ZC3H12C: variants seen among roughly 807,000 people sequenced by gnomAD.
The protein encoded by ZC3H12C is zinc finger CCCH-type containing 12C.
A neutral mutation model predicts 76.3 loss-of-function variants in ZC3H12C; 20 were observed. The ratio of observed to expected loss-of-function variants is 0.26; its 90% CI spans 0.18 to 0.38. The LOEUF (loss-of-function observed/expected upper bound fraction) is 0.38, where lower values mean the gene tolerates loss of function less well. Among genes scored for constraint, ZC3H12C ranks in the 10% least tolerant of loss-of-function variants. ZC3H12C has a pLI of 1.00. For missense variants in ZC3H12C, 874 were observed against 1,086.5 expected (o/e 0.80, Z 2.75); for synonymous variants, 352 against 399.6 (o/e 0.88, Z 1.42).
intron 1 of ZC3H12C, among the ~76,000 whole-genome samples, chr11:110,112,940 G>A (rs962751383): frequency 6.6e-5 from 10 of 151,470 alleles, no homozygotes; most frequent in Non-Finnish European, 1.3e-4. Flanking sequence ...GCATATACCC[G>A]TCATCTCTCC....
At chr11:110,135,693 A>G (rs1201757511) in intron 1 of ZC3H12C, among the ~76,000 whole-genome samples, 1 of 152,130 alleles carries the variant, frequency 6.6e-6, no homozygotes, top group African/African-American at 2.4e-5. Context: ...AAAAATAGGA[A>G]AAAAGATCAC....
chr11:110,154,836 A>AAAAAAC (rs2134193069), intron 3 of ZC3H12C, among the ~76,000 whole-genome samples: 1 of 147,846 alleles, frequency 6.8e-6, no homozygotes, highest in South Asian at 2.1e-4. Context: ...AGCTTGATTA[A>AAAAAAC]AAAAAAAAAA....
At position 110,093,433 on chromosome 11, in the gene ZC3H12C, G is replaced by C; in HGVS notation, c.21+1G>C. On this transcript the variant is annotated splice_donor_variant, in intron 1 of 5. Coordinates refer to ENST00000278590, the MANE Select transcript of ZC3H12C (RefSeq NM_033390.2). LOFTEE classifies it high-confidence loss of function. ...GGCTATGCCGGGTGGCGGCTCCCAGGTTTGTCCTCGGGAAGGGGGTGGGGG... is the reference window on the plus strand; with the variant it reads ...GGCTATGCCGGGTGGCGGCTCCCAGCTTTGTCCTCGGGAAGGGGGTGGGGG... The C allele has an allele frequency of 8.3e-7, 1 of 1,205,470 alleles. No homozygotes were observed. Among genetic ancestry groups the C allele is most frequent in the Non-Finnish European group, 1.0e-6 (1 of 967,230 alleles). 74.7% of individuals were successfully genotyped at this position (1,205,470 alleles called of 1,614,324 possible). A position where few individuals can be genotyped will look rare whatever the true frequency, so the allele number is the denominator to read the frequency against.
At chr11:110,159,581 G>A in intron 4 of ZC3H12C, 91 bp downstream of exon 4, 1 of 1,108,434 alleles carries the variant, frequency 9.0e-7, no homozygotes, top group Non-Finnish European at 1.3e-6. Flanking sequence ...TTTTGCCACT[G>A]TCCAGACTTC....
At chr11:110,100,501 G>T (rs1244896075) in intron 1 of ZC3H12C, among the ~76,000 whole-genome samples, 1 of 152,140 alleles carries the variant, frequency 6.6e-6, no homozygotes, top group African/African-American at 2.4e-5. Context: ...TGTGGCAACC[G>T]TAAGTCAAGC....
chr11:110,095,986 T>G (rs1208379940), intron 1 of ZC3H12C, among the ~76,000 whole-genome samples: 1 of 152,182 alleles, frequency 6.6e-6, no homozygotes. Flanking sequence ...GATTCCGGAG[T>G]TTGATCGTAA....
chr11:110,125,223 T>A (rs1203638426), intron 1 of ZC3H12C, among the ~76,000 whole-genome samples: 2 of 152,038 alleles, frequency 1.3e-5, no homozygotes, highest in Non-Finnish European at 2.9e-5. Context: ...CTTCCTCTTT[T>A]AAGTCATTTG....
intron 1 of ZC3H12C, among the ~76,000 whole-genome samples, chr11:110,129,112 A>G (rs1359125701): frequency 6.6e-6 from 1 of 152,156 alleles, no homozygotes; most frequent in Non-Finnish European, 1.5e-5. Context: ...CAGAAGAAAG[A>G]ATAGGTCTTA....
chr11:110,093,704 AGGCCGGGCTTCCCGGCCCCGC>A (rs1225725494), intron 1 of ZC3H12C, among the ~76,000 whole-genome samples: 7 of 151,960 alleles, frequency 4.6e-5, no homozygotes, highest in Non-Finnish European at 1.0e-4. Context: ...GGGCGAGGTG[AGGCCGGGCTTCCCGGCCCCGC>A]GGCCTAAGGC....
At chr11:110,104,841 T>C (rs541615012) in intron 1 of ZC3H12C, among the ~76,000 whole-genome samples, 3 of 152,378 alleles carry the variant, frequency 2.0e-5, no homozygotes, top group African/African-American at 7.2e-5. Flanking sequence ...GTTGATTTGA[T>C]TGAACAGAGA....
At chr11:110,095,842 G>A (rs572101749) in intron 1 of ZC3H12C, among the ~76,000 whole-genome samples, 1 of 152,330 alleles carries the variant, frequency 6.6e-6, no homozygotes, top group South Asian at 2.1e-4. Context: ...GATGATAGGA[G>A]TAGTGAGTGG....
rs1005806003 is a variant in ZC3H12C at position 110,123,080 on chromosome 11, G to A, written c.22-13583G>A. Among the ~76,000 whole-genome samples the A allele has an allele frequency of 5.9e-5, 9 of 152,260 alleles. No homozygotes were observed. The South Asian group carries it at 1.9e-3, about 32-fold the overall frequency. On this transcript the variant is annotated intron_variant, in intron 1 of 5. Coordinates refer to ENST00000278590, the MANE Select transcript of ZC3H12C (RefSeq NM_033390.2). ...TTTATTTCTGGAATTGTTTATTTCT[G>A]GAATTTTGCATTTAATATTTTCAGA...
At chr11:110,135,747 T>C (rs765494014) in intron 1 of ZC3H12C, 7 of 151,898 alleles carry the variant, frequency 4.6e-5, no homozygotes, top group Non-Finnish European at 8.8e-5. Flanking sequence ...TCTGACATAA[T>C]ACAGGAGGAT....
chr11:110,139,169 G>C (rs1261656540), intron 2 of ZC3H12C, among the ~76,000 whole-genome samples: 2 of 152,142 alleles, frequency 1.3e-5, no homozygotes, highest in East Asian at 3.9e-4. Context: ...CCTCTAAATA[G>C]CTTTTTCGGG....
At chr11:110,144,279 A>G (rs949686693) in intron 2 of ZC3H12C, among the ~76,000 whole-genome samples, 1 of 152,230 alleles carries the variant, frequency 6.6e-6, no homozygotes, top group African/African-American at 2.4e-5. Flanking sequence ...CTGAGAGGAC[A>G]TGAGAAAGTA....
At position 110,165,917 on chromosome 11, in the gene ZC3H12C, G is replaced by T; in HGVS notation, c.*180G>T. On this transcript the variant is annotated 3_prime_UTR_variant, in exon 6 of 6. Transcript: ENST00000278590. Reference sequence around the variant, plus strand: ...GCCCCACATGGTGGAAGTATCACGGGATTGCTTTACATTTAAACTTTTTTT... The same window carrying T: ...GCCCCACATGGTGGAAGTATCACGGTATTGCTTTACATTTAAACTTTTTTT... The T allele has an allele frequency of 3.2e-6, 2 of 625,910 alleles. No homozygotes were observed. Among genetic ancestry groups the T allele is most frequent in the South Asian group, 2.8e-5 (1 of 35,964 alleles). 38.8% of individuals were successfully genotyped at this position (625,910 alleles called of 1,614,324 possible). A position where few individuals can be genotyped will look rare whatever the true frequency, so the allele number is the denominator to read the frequency against.
intron 1 of ZC3H12C, among the ~76,000 whole-genome samples, chr11:110,122,741 A>G (rs1325876750): frequency 2.6e-5 from 4 of 152,214 alleles, no homozygotes; most frequent in East Asian, 1.9e-4. Flanking sequence ...GTGTAACTTA[A>G]TGTTAGTGTT....
At chr11:110,122,153 C>T (rs1008301027) in intron 1 of ZC3H12C, among the ~76,000 whole-genome samples, 2 of 152,158 alleles carry the variant, frequency 1.3e-5, no homozygotes, top group Non-Finnish European at 2.9e-5. Flanking sequence ...AGATGAGCAG[C>T]ACATACCAGG....
intron 2 of ZC3H12C, among the ~76,000 whole-genome samples, chr11:110,149,841 TA>T (rs1312087035): frequency 2.0e-5 from 3 of 152,204 alleles, no homozygotes; most frequent in African/African-American, 7.2e-5. Context: ...GTTTTTTTAT[TA>T]TGGAGTCTTT....
Sources: gnomAD v4.1 joint callset for allele counts (sites outside exome capture counted in the v4.1 genomes callset) on GRCh38, gnomAD v4.1.1 for gene constraint, MANE v1.5 for transcripts, NCBI Gene and HGNC (gene_info 2026-07-23, HGNC 2026-07-21) for gene names.